UBE2J2: variants seen among roughly 807,000 people sequenced by gnomAD.
The protein encoded by UBE2J2 is ubiquitin conjugating enzyme E2 J2.
Under a neutral mutation model 28.6 loss-of-function variants are expected in UBE2J2, and 5 were observed. The ratio of observed to expected loss-of-function variants is 0.17; its 90% CI spans 0.09 to 0.37. The LOEUF (loss-of-function observed/expected upper bound fraction) is 0.37. Among genes scored for constraint, UBE2J2 ranks in the 10% least tolerant of loss-of-function variants. UBE2J2 has a pLI of 1.00. For synonymous variants in UBE2J2, 138 were observed against 139.7 expected (o/e 0.99, Z 0.09); for missense variants, 226 against 338.9 (o/e 0.67, Z 2.62).
chr1:1,258,362 C>T lies in UBE2J2; in HGVS notation c.173-1052G>A, dbSNP rs2101040360. On this transcript the variant is annotated intron_variant, in intron 3 of 6. Coordinates refer to ENST00000349431, the MANE Select transcript of UBE2J2 (RefSeq NM_058167.3). ...AGCCATACCACTGGTTTCTGACCACCCAACGGCATAGCCTTATAAGGGGCC... is the reference window on the plus strand; with the variant it reads ...AGCCATACCACTGGTTTCTGACCACTCAACGGCATAGCCTTATAAGGGGCC... Among the ~76,000 whole-genome samples the T allele has an allele frequency of 3.3e-5, 5 of 152,208 alleles. 1 individual carries two copies. In the Middle Eastern group the frequency reaches 0.017, roughly 518 times the overall value.
rs1054144596 is a variant in UBE2J2 at position 1,268,951 on chromosome 1, A to C, written c.1-959T>G. Among the ~76,000 whole-genome samples, 2 of 152,116 alleles carry C rather than the reference A, an allele frequency of 1.3e-5. No homozygotes were observed. The highest frequency in any genetic ancestry group is 2.9e-5 in the Non-Finnish European group (2 of 68,012). On this transcript the variant is annotated intron_variant, in intron 1 of 6. Transcript: ENST00000349431. The surrounding 1 kb of genome is among the most constrained non-coding windows in gnomAD (Gnocchi z 4.7). ...CTCAGCCTCCGGAAGTGCTGGAATC[A>C]CAGGCAGGAGCCACGGTAACCCGGG... is the stretch of plus-strand genomic sequence containing the variant.
intron 5 of UBE2J2, 44 bp downstream of exon 5, chr1:1,256,948 G>A (rs1639219451): frequency 1.5e-6 from 2 of 1,292,972 alleles, no homozygotes; most frequent in East Asian, 2.9e-5. Flanking sequence ...CAGCCCCCCA[G>A]ACACAAGGCT....
At chr1:1,259,401 G>A (rs1639422082) in intron 3 of UBE2J2, among the ~76,000 whole-genome samples, 1 of 152,208 alleles carries the variant, frequency 6.6e-6, no homozygotes, top group Non-Finnish European at 1.5e-5. Flanking sequence ...CAGGTTTGAG[G>A]AGCACTGGCC....
At chr1:1,266,574 C>T (rs1210873838) in intron 2 of UBE2J2, among the ~76,000 whole-genome samples, 1 of 152,134 alleles carries the variant, frequency 6.6e-6, no homozygotes, top group Admixed American at 6.5e-5. Context: ...GTAATCCCAG[C>T]ATTCTGGGAG....
intron 1 of UBE2J2, among the ~76,000 whole-genome samples, chr1:1,270,108 T>C (rs1457923429): frequency 6.6e-6 from 1 of 152,176 alleles, no homozygotes; most frequent in South Asian, 2.1e-4. Context: ...ATGTGAGACA[T>C]GCCTCTTCCC....
intron 2 of UBE2J2, 146 bp from the exon 3 acceptor site, chr1:1,263,532 C>T: frequency 1.4e-6 from 1 of 731,454 alleles, no homozygotes; most frequent in Non-Finnish European, 2.4e-6. Context: ...TGTCACACAG[C>T]CACACGGCTT....
At chr1:1,265,965 T>G (rs1466419847) in intron 2 of UBE2J2, 8 of 1,051,814 alleles carry the variant, frequency 7.6e-6, no homozygotes, top group Non-Finnish European at 8.9e-6. Flanking sequence ...GAGTATTCTT[T>G]GTGAATCATC....
Position 1,268,067 on chromosome 1 carries a change from TC to T in UBE2J2, c.1-76del. 6.4e-7 allele frequency: 1 copy of T among 1,554,752 alleles called. No homozygotes were observed. ...GCTCTCTCCCCTGGCGCAGCCCCAC[TC>T]CCGCCTCTGCAGCCCGCCATTCATT... On this transcript the variant is annotated intron_variant, in intron 1 of 6. Transcript: ENST00000349431. The surrounding 1 kb of genome is among the most constrained non-coding windows in gnomAD (Gnocchi z 4.7).
At chr1:1,263,198 CGAG>C (rs1455413180) in intron 3 of UBE2J2, 145 bp downstream of exon 3, 6 of 729,082 alleles carry the variant, frequency 8.2e-6, no homozygotes, top group East Asian at 2.6e-5. Flanking sequence ...GAGAAGCAGA[CGAG>C]GAGGAGTTCC....
rs541008150 is a variant in UBE2J2 at position 1,257,814 on chromosome 1, AAAACGCACCTC to A, written c.173-515_173-505del. Reference sequence around the variant, plus strand: ...GACCCAACTGCACCCAAAGGCCAGCAAAACGCACCTCAAACACACCACTCTCCACCACACAC... The same window carrying A: ...GACCCAACTGCACCCAAAGGCCAGCAAAACACACCACTCTCCACCACACAC... On this transcript the variant is annotated intron_variant, in intron 3 of 6. Coordinates refer to ENST00000349431, the MANE Select transcript of UBE2J2 (RefSeq NM_058167.3). Among the ~76,000 whole-genome samples, 31 of 152,020 alleles carry A rather than the reference AAAACGCACCTC, an allele frequency of 2.0e-4. 2 individuals are homozygous for A. In the South Asian group the frequency reaches 6.5e-3, roughly 32 times the overall value.
chr1:1,260,488 G>A (rs533619611), intron 3 of UBE2J2, among the ~76,000 whole-genome samples: 5 of 152,022 alleles, frequency 3.3e-5, no homozygotes, highest in East Asian at 3.9e-4. Context: ...GCCTCACTGC[G>A]CGCACACCTA....
chr1:1,257,365 G>A (rs543604100), intron 3 of UBE2J2, 55 bp from the exon 4 acceptor site: 184 of 1,086,556 alleles, frequency 1.7e-4, no homozygotes, highest in Middle Eastern at 1.1e-3. Context: ...AGGGGCTCCT[G>A]GAGACCTCGT....
At chr1:1,266,151 C>CA (rs1263967644) in intron 2 of UBE2J2, 1 of 1,303,612 alleles carries the variant, frequency 7.7e-7, no homozygotes, top group South Asian at 1.2e-5. Flanking sequence ...GGGCAGAGAG[C>CA]ACTCTGGTGG....
At chr1:1,260,608 C>T (rs1490813278) in intron 3 of UBE2J2, among the ~76,000 whole-genome samples, 1 of 152,196 alleles carries the variant, frequency 6.6e-6, no homozygotes, top group Non-Finnish European at 1.5e-5. Flanking sequence ...AGATGAAAAT[C>T]AGGAAGCACC....
intron 3 of UBE2J2, 62 bp downstream of exon 3, chr1:1,263,284 G>T: frequency 6.9e-7 from 1 of 1,448,108 alleles, no homozygotes; most frequent in Non-Finnish European, 9.7e-7. Context: ...TGTTGAACAG[G>T]CAAGGCTGAC....
chr1:1,270,596 C>G (rs56919565), intron 1 of UBE2J2, among the ~76,000 whole-genome samples: 4,957 of 152,206 alleles, frequency 0.033, 272 homozygotes, highest in African/African-American at 0.11. Context: ...AAAATGTCAT[C>G]ACTTCTCCCA....
intron 3 of UBE2J2, among the ~76,000 whole-genome samples, chr1:1,259,221 G>A (rs1249506221): frequency 6.7e-6 from 1 of 149,614 alleles, no homozygotes; most frequent in African/African-American, 2.5e-5. Context: ...ATGCCATCAG[G>A]ACGCATGTAT....
At chr1:1,256,815 G>A (rs1639204769) in intron 5 of UBE2J2, among the ~76,000 whole-genome samples, 177 bp downstream of exon 5, 1 of 151,618 alleles carries the variant, frequency 6.6e-6, no homozygotes, top group Admixed American at 6.6e-5. Flanking sequence ...GAACCCCGGG[G>A]GGCGGAGCTT....
intron 5 of UBE2J2, chr1:1,256,431 A>G (rs1443318995): frequency 9.6e-6 from 3 of 313,904 alleles, no homozygotes; most frequent in African/African-American, 6.6e-5. Flanking sequence ...CCACCCCAAG[A>G]TCCCAAGGAG....
Sources: allele counts gnomAD v4.1 joint callset (sites outside exome capture counted in the v4.1 genomes callset), GRCh38; gene constraint gnomAD v4.1.1; non-coding constraint Gnocchi (gnomAD v3.1); transcripts MANE v1.5; gene names NCBI Gene and HGNC (gene_info 2026-07-23, HGNC 2026-07-21).